Variants in DRC11 observed in about 807,000 individuals in gnomAD.
DRC11 encodes the protein dynein regulatory complex subunit 11.
chr2:236,459,004 C>T, the DRC11 span, among the ~76,000 whole-genome samples: 4,765 of 152,144 alleles, frequency 0.031, 239 homozygotes, highest in East Asian at 0.18. Flanking sequence ...GAGATCGCAC[C>T]GTCGCACTCC....
At chr2:236,401,159 T>C in the DRC11 span, among the ~76,000 whole-genome samples, 3 of 151,744 alleles carry the variant, frequency 2.0e-5, no homozygotes, top group Non-Finnish European at 2.9e-5. The surrounding 1 kb of genome is among the most constrained non-coding windows in gnomAD (Gnocchi z 4.6). Flanking sequence ...CCCTCAGGAG[T>C]GCCCCCGCCC....
the DRC11 span, among the ~76,000 whole-genome samples, chr2:236,427,506 A>G: frequency 9.2e-5 from 14 of 152,134 alleles, no homozygotes; most frequent in South Asian, 2.9e-3. This position sits in a 1 kb window ranked among gnomAD's most constrained non-coding sequence, Gnocchi z 5.9. Flanking sequence ...ATAATAATTT[A>G]TCCATTTCTT....
At chr2:236,505,909 T>C in the DRC11 span, among the ~76,000 whole-genome samples, 3 of 152,174 alleles carry the variant, frequency 2.0e-5, no homozygotes, top group Non-Finnish European at 1.5e-5. Context: ...GCCAACATAT[T>C]TCCTTTCCTC....
chr2:236,480,142 T>A, the DRC11 span, among the ~76,000 whole-genome samples: 1 of 152,062 alleles, frequency 6.6e-6, no homozygotes, highest in East Asian at 1.9e-4. Flanking sequence ...TGTTATTTGC[T>A]TCTTTTCTCT....
the DRC11 span, among the ~76,000 whole-genome samples, chr2:236,461,065 A>G: frequency 6.6e-6 from 1 of 152,116 alleles, no homozygotes; most frequent in Non-Finnish European, 1.5e-5. This position sits in a 1 kb window ranked among gnomAD's most constrained non-coding sequence, Gnocchi z 4.0. Context: ...CTGCAAACAT[A>G]GATTTAGTAA....
chr2:236,499,964 C>G, the DRC11 span, among the ~76,000 whole-genome samples: 11 of 152,286 alleles, frequency 7.2e-5, no homozygotes, highest in East Asian at 2.1e-3. The surrounding 1 kb of genome is among the most constrained non-coding windows in gnomAD (Gnocchi z 4.7). Context: ...CTCAAACATG[C>G]TCCATTCTTC....
chr2:236,498,300 C>CAA, the DRC11 span, among the ~76,000 whole-genome samples: 15 of 129,472 alleles, frequency 1.2e-4, no homozygotes, highest in African/African-American at 3.5e-4. Context: ...TACTAAAATA[C>CAA]AAAAAAAAAA....
At chr2:236,325,590 T>G in the DRC11 span, among the ~76,000 whole-genome samples, 5 of 150,480 alleles carry the variant, frequency 3.3e-5, no homozygotes, top group African/African-American at 1.2e-4. This position sits in a 1 kb window ranked among gnomAD's most constrained non-coding sequence, Gnocchi z 4.4. Context: ...CTCTTGGTCT[T>G]TGTATGTCTT....
the DRC11 span, among the ~76,000 whole-genome samples, chr2:236,359,793 C>T: frequency 2.6e-5 from 4 of 152,072 alleles, no homozygotes; most frequent in African/African-American, 7.2e-5. This position sits in a 1 kb window ranked among gnomAD's most constrained non-coding sequence, Gnocchi z 4.3. Context: ...GTGGCCTCAC[C>T]GCACACAATT....
the DRC11 span, among the ~76,000 whole-genome samples, chr2:236,402,353 TCCA>T: frequency 1.3e-5 from 2 of 152,218 alleles, no homozygotes; most frequent in South Asian, 2.1e-4. This position sits in a 1 kb window ranked among gnomAD's most constrained non-coding sequence, Gnocchi z 6.0. Context: ...CCCCTGTGAA[TCCA>T]CCACGTCTTT....
chr2:236,408,681 G>GT, the DRC11 span: 23 of 721,544 alleles, frequency 3.2e-5, no homozygotes, highest in African/African-American at 3.5e-4. This position sits in a 1 kb window ranked among gnomAD's most constrained non-coding sequence, Gnocchi z 5.5. Flanking sequence ...GCAGTAATTG[G>GT]TAAAGGCCTC....
chr2:236,343,270 A>G, the DRC11 span, among the ~76,000 whole-genome samples: 5 of 152,152 alleles, frequency 3.3e-5, no homozygotes, highest in Admixed American at 2.6e-4. The surrounding 1 kb of genome is among the most constrained non-coding windows in gnomAD (Gnocchi z 6.6). Flanking sequence ...TGGCTCTCTC[A>G]GGAGGAACAT....
chr2:236,374,230 T>G, the DRC11 span, among the ~76,000 whole-genome samples: 6,134 of 152,262 alleles, frequency 0.04, 424 homozygotes, highest in African/African-American at 0.14. Flanking sequence ...GTTTTGGTCT[T>G]GTTTTCTAGT....
the DRC11 span, among the ~76,000 whole-genome samples, chr2:236,320,335 C>A: frequency 6.6e-6 from 1 of 152,196 alleles, no homozygotes; most frequent in Non-Finnish European, 1.5e-5. Flanking sequence ...AAGGACAGGA[C>A]AAGCCACTTA....
chr2:236,358,364 A>G, the DRC11 span, among the ~76,000 whole-genome samples: 3 of 130,488 alleles, frequency 2.3e-5, no homozygotes, highest in African/African-American at 5.7e-5. Context: ...ATGAATATAT[A>G]ATATATAGAT....
chr2:236,473,229 T>G, the DRC11 span, among the ~76,000 whole-genome samples: 4 of 152,200 alleles, frequency 2.6e-5, no homozygotes, highest in African/African-American at 7.2e-5. The surrounding 1 kb of genome is among the most constrained non-coding windows in gnomAD (Gnocchi z 4.8). Context: ...TTGCTCACTT[T>G]GGCTTTGACA....
the DRC11 span, among the ~76,000 whole-genome samples, chr2:236,478,005 T>TTG: frequency 0.22 from 31,908 of 146,758 alleles, 3,480 homozygotes; most frequent in Middle Eastern, 0.27. This position sits in a 1 kb window ranked among gnomAD's most constrained non-coding sequence, Gnocchi z 5.9. Context: ...TTTTGTTGAT[T>TTG]TGTGTGTGTG....
chr2:236,350,318 C>A, the DRC11 span, among the ~76,000 whole-genome samples: 1 of 152,186 alleles, frequency 6.6e-6, no homozygotes, highest in South Asian at 2.1e-4. This position sits in a 1 kb window ranked among gnomAD's most constrained non-coding sequence, Gnocchi z 5.2. Flanking sequence ...AATTGCTCTC[C>A]CTAGTTCAGC....
chr2:236,358,194 A>T, the DRC11 span, among the ~76,000 whole-genome samples: 1 of 125,398 alleles, frequency 8.0e-6, no homozygotes, highest in Non-Finnish European at 1.6e-5. Flanking sequence ...ATGAATATAT[A>T]ATATATATAC....
Sources: allele counts gnomAD v4.1 joint callset (sites outside exome capture counted in the v4.1 genomes callset), GRCh38; gene constraint gnomAD v4.1.1; non-coding constraint Gnocchi (gnomAD v3.1); transcripts MANE v1.5; gene names NCBI Gene and HGNC (gene_info 2026-07-23, HGNC 2026-07-21).